FAT3: variants seen among roughly 807,000 people sequenced by gnomAD.
FAT3 encodes protocadherin Fat 3.
A neutral mutation model predicts 310.2 loss-of-function variants in FAT3; 95 were observed. The ratio of observed to expected loss-of-function variants is 0.31; its 90% CI spans 0.26 to 0.36. FAT3 has a LOEUF of 0.36. Ranked by LOEUF, FAT3 falls within the 10% of genes least tolerant of loss-of-function variation. The pLI is 1.00. For missense variants in FAT3, 5,408 were observed against 5,715.6 expected (o/e 0.95, Z 1.74); for synonymous variants, 2,314 against 2,192.9 (o/e 1.06, Z -1.54).
chr11:92,827,745 G>T (rs940807486), intron 13 of FAT3, among the ~76,000 whole-genome samples: 5 of 152,092 alleles, frequency 3.3e-5, no homozygotes, highest in Non-Finnish European at 7.4e-5. Flanking sequence ...CTAGGAATTT[G>T]TATGTGCTAT....
chr11:92,353,362 C>T lies in FAT3; in HGVS notation c.1250C>T (p.Ala417Val), dbSNP rs569925651. Reference sequence around the variant, plus strand: ...TACAAATTATCTCCTGGTGAGGATGCAGTGTACTTTAAAATTAATCCTCGG... The same window carrying T: ...TACAAATTATCTCCTGGTGAGGATGTAGTGTACTTTAAAATTAATCCTCGG... ...VEYKLSPGED[A>V]VYFKINPRSG... Residue 417 changes from alanine (A) to valine (V), a missense_variant, in exon 2 of 28, where the codon GCA becomes GTA. Ala to Val is a moderately conservative substitution (Grantham distance 64). Transcript: ENST00000525166. 2 of 1,613,400 alleles carry T rather than the reference C, an allele frequency of 1.2e-6. No individual in the cohort carries two copies. The highest frequency in any genetic ancestry group is 1.7e-5 in the Admixed American group (1 of 59,856).
intron 3 of FAT3, among the ~76,000 whole-genome samples, chr11:92,530,399 A>C (rs520597): frequency 0.38 from 58,442 of 151,902 alleles, 11,783 homozygotes; most frequent in Middle Eastern, 0.54. Context: ...AGGACAAGAC[A>C]GCAAACTTTA....
At chr11:92,407,136 G>C (rs1481147768) in intron 2 of FAT3, among the ~76,000 whole-genome samples, 4 of 152,180 alleles carry the variant, frequency 2.6e-5, no homozygotes, top group African/African-American at 9.6e-5. Flanking sequence ...GATTTTATTA[G>C]ATAGGAAAAT....
intron 2 of FAT3, among the ~76,000 whole-genome samples, chr11:92,443,251 T>C (rs1390447859): frequency 6.6e-6 from 1 of 152,174 alleles, no homozygotes; most frequent in Non-Finnish European, 1.5e-5. Flanking sequence ...TTTCTAAAAA[T>C]AAGCTTTCCT....
At chr11:92,702,689 A>T (rs1238740801) in intron 4 of FAT3, among the ~76,000 whole-genome samples, 1 of 152,202 alleles carries the variant, frequency 6.6e-6, no homozygotes, top group Admixed American at 6.5e-5. Flanking sequence ...TGAAAGATAC[A>T]TCTACTTAAA....
intron 1 of FAT3, among the ~76,000 whole-genome samples, chr11:92,290,671 G>A (rs1946666314): frequency 6.6e-6 from 1 of 151,838 alleles, no homozygotes; most frequent in African/African-American, 2.4e-5. Context: ...GATTGAGGCA[G>A]GAGAATCGCT....
chr11:92,758,224 G>A (rs533462165), intron 4 of FAT3, among the ~76,000 whole-genome samples: 1 of 152,264 alleles, frequency 6.6e-6, no homozygotes, highest in South Asian at 2.1e-4. Context: ...ACCTCAAATT[G>A]CTCACAGTCT....
chr11:92,864,445 C>T (rs543300478), intron 21 of FAT3, among the ~76,000 whole-genome samples: 18 of 152,266 alleles, frequency 1.2e-4, no homozygotes, highest in African/African-American at 4.1e-4. Context: ...TGCCATAGAG[C>T]AAGTATTCTG....
Position 92,836,592 on chromosome 11 carries a change from G to A in FAT3, c.10113G>A (p.Gln3371=). The A allele has an allele frequency of 6.2e-7, 1 of 1,613,784 alleles. No individual in the cohort carries two copies. Among genetic ancestry groups the A allele is most frequent in the East Asian group, 2.2e-5 (1 of 44,870 alleles). ...TAATAGCAGAAGATGTAGACAGCCA[G>A]CCCAACGGACAGATTCATTTTTCCA... is the stretch of plus-strand genomic sequence containing the variant. ...ILLIAEDVDS[Q]PNGQIHFSIV... The change falls in exon 16 of 28, where the codon CAG becomes CAA. Residue 3371 remains glutamine, a synonymous_variant. Transcript: ENST00000525166.
At chr11:92,797,555 A>G (rs1472377388) in intron 9 of FAT3, among the ~76,000 whole-genome samples, 1 of 152,172 alleles carries the variant, frequency 6.6e-6, no homozygotes, top group Non-Finnish European at 1.5e-5. Context: ...TTATTTCCCA[A>G]CTTGAATGCA....
chr11:92,357,495 G>A (rs1948764862), intron 2 of FAT3, among the ~76,000 whole-genome samples: 2 of 152,146 alleles, frequency 1.3e-5, no homozygotes, highest in African/African-American at 4.8e-5. Context: ...TGGACTTATT[G>A]ACTAATGGTG....
chr11:92,876,228 A>T (rs1949530777), intron 22 of FAT3, among the ~76,000 whole-genome samples: 3 of 152,154 alleles, frequency 2.0e-5, no homozygotes, highest in African/African-American at 7.2e-5. Context: ...TGGTTGTCTA[A>T]GATTATATTC....
At position 92,697,896 on chromosome 11, in the gene FAT3, A is replaced by G. The variant is rs191351406; in HGVS notation, c.3669+451A>G. On this transcript the variant is annotated intron_variant, in intron 4 of 27. Transcript: ENST00000525166. ...GGTTGAGTCACTGCCAGAGATGACT[A>G]TTGCTGAAACCATAAAATGGACTCC... Among the ~76,000 whole-genome samples, 9 of 152,322 alleles carry G rather than the reference A, an allele frequency of 5.9e-5. No homozygotes were observed. In the East Asian group the frequency reaches 1.7e-3, roughly 29 times the overall value.
intron 3 of FAT3, among the ~76,000 whole-genome samples, chr11:92,580,074 T>G (rs1360339591): frequency 6.6e-6 from 1 of 152,104 alleles, no homozygotes; most frequent in South Asian, 2.1e-4. Flanking sequence ...CATCCCAGCT[T>G]ATAATCTTGC....
At chr11:92,240,998 A>C (rs747103791) in intron 1 of FAT3, among the ~76,000 whole-genome samples, 3 of 151,368 alleles carry the variant, frequency 2.0e-5, no homozygotes, top group Non-Finnish European at 4.4e-5. Flanking sequence ...CAGTTTGCTT[A>C]ATGTCACAAC....
chr11:92,551,321 G>C (rs1954808340), intron 3 of FAT3, among the ~76,000 whole-genome samples: 1 of 151,494 alleles, frequency 6.6e-6, no homozygotes, highest in African/African-American at 2.4e-5. Context: ...TATCCATCTT[G>C]GTTGCATTTA....
At chr11:92,333,163 G>A (rs896462919) in intron 1 of FAT3, among the ~76,000 whole-genome samples, 14 of 152,176 alleles carry the variant, frequency 9.2e-5, no homozygotes, top group African/African-American at 3.4e-4. Context: ...ATACTTATAA[G>A]TCCTACCCAA....
intron 1 of FAT3, among the ~76,000 whole-genome samples, chr11:92,351,256 A>G (rs1305971044): frequency 1.3e-5 from 2 of 152,142 alleles, no homozygotes; most frequent in African/African-American, 4.8e-5. Context: ...GTTCATTCTC[A>G]TGGCATTGCA....
chr11:92,620,299 G>T (rs1320333844), intron 3 of FAT3, among the ~76,000 whole-genome samples: 1 of 152,092 alleles, frequency 6.6e-6, no homozygotes, highest in African/African-American at 2.4e-5. Flanking sequence ...AATGTTCCAT[G>T]TGCACTTGAG....
Sources: gnomAD v4.1 joint callset for allele counts (sites outside exome capture counted in the v4.1 genomes callset) on GRCh38, gnomAD v4.1.1 for gene constraint, MANE v1.5 for transcripts, NCBI Gene and HGNC (gene_info 2026-07-23, HGNC 2026-07-21) for gene names.